GNB4: variants seen among roughly 807,000 people sequenced by gnomAD.
The protein encoded by GNB4 is G protein subunit beta 4.
A neutral mutation model predicts 45.2 loss-of-function variants in GNB4; 28 were observed. The ratio of observed to expected loss-of-function variants is 0.62; its 90% CI spans 0.46 to 0.85. The LOEUF (loss-of-function observed/expected upper bound fraction) is 0.85, where lower values mean the gene tolerates loss of function less well. GNB4 is among the 40% of genes least tolerant of loss of function. GNB4 has a pLI of 0.00. For missense variants in GNB4, 321 were observed against 425.4 expected (o/e 0.75, Z 2.16); for synonymous variants, 132 against 143.7 (o/e 0.92, Z 0.58).
chr3:179,406,551 G>C (rs1047472987), intron 8 of GNB4, among the ~76,000 whole-genome samples: 18 of 152,056 alleles, frequency 1.2e-4, no homozygotes, highest in Non-Finnish European at 2.2e-4. Flanking sequence ...TTTTCATCTT[G>C]AATTTTCTCC....
chr3:179,516,113 G>A, the GNB4 span, among the ~76,000 whole-genome samples: 1 of 152,132 alleles, frequency 6.6e-6, no homozygotes, highest in Non-Finnish European at 1.5e-5. Context: ...TGAGTTTTTG[G>A]GCTCTATTCT....
intron 8 of GNB4, chr3:179,410,482 T>G (rs1317543987): frequency 5.3e-5 from 8 of 152,190 alleles, no homozygotes; most frequent in Admixed American, 5.2e-4. Context: ...AACCAAGATA[T>G]CTGAGGACTG....
chr3:179,525,596 A>G, the GNB4 span, among the ~76,000 whole-genome samples: 2 of 152,190 alleles, frequency 1.3e-5, no homozygotes, highest in Admixed American at 1.3e-4. Flanking sequence ...ATCAGACACC[A>G]GTGAAATGTG....
the GNB4 span, among the ~76,000 whole-genome samples, chr3:179,492,685 T>C: frequency 6.6e-6 from 1 of 152,142 alleles, no homozygotes; most frequent in Non-Finnish European, 1.5e-5. Context: ...CCACATGCCC[T>C]TGTGCCCAGA....
intron 9 of GNB4, among the ~76,000 whole-genome samples, chr3:179,402,408 G>A (rs1344179952): frequency 6.6e-6 from 1 of 152,168 alleles, no homozygotes; most frequent in Non-Finnish European, 1.5e-5. Flanking sequence ...TCTTTAAAAG[G>A]TAATTGGCCT....
At chr3:179,468,035 A>AAAAAAAAAAAAATATATAT in the GNB4 span, among the ~76,000 whole-genome samples, 89 of 89,864 alleles carry the variant, frequency 9.9e-4, 8 homozygotes, top group African/African-American at 1.4e-3. Flanking sequence ...TGTTGATAAA[A>AAAAAAAAAAAAATATATAT]ATATATATAT....
In GNB4 at chr3:179,420,132, A is replaced by G. The variant is rs184392215; in HGVS notation, c.97-627T>C. Among the ~76,000 whole-genome samples, 506 of 150,662 alleles carry G rather than the reference A, an allele frequency of 3.4e-3. 1 individual carries two copies. Among genetic ancestry groups the G allele is most frequent in the Non-Finnish European group, 5.3e-3 (357 of 67,660 alleles). ...TATATATATACATACATAAATATAT[A>G]TAATTTTTTTTTTTTCGAGACAGAG... On this transcript the variant is annotated intron_variant, in intron 3 of 9. Transcript: ENST00000232564.
chr3:179,468,031 T>TTTAAAAAAAAA, the GNB4 span, among the ~76,000 whole-genome samples: 23 of 67,280 alleles, frequency 3.4e-4, no homozygotes, highest in African/African-American at 1.3e-3. Flanking sequence ...ATTTTGTTGA[T>TTTAAAAAAAAA]AAAAATATAT....
At chr3:179,512,994 C>G in the GNB4 span, among the ~76,000 whole-genome samples, 1 of 151,344 alleles carries the variant, frequency 6.6e-6, no homozygotes, top group African/African-American at 2.4e-5. Flanking sequence ...TAAAAATAGT[C>G]TCTATTTTTT....
chr3:179,510,954 T>C, the GNB4 span, among the ~76,000 whole-genome samples: 1 of 152,236 alleles, frequency 6.6e-6, no homozygotes, highest in East Asian at 1.9e-4. Context: ...TTCTCTGGGG[T>C]CCTGCTCACT....
At chr3:179,410,050 C>T (rs969067622) in intron 8 of GNB4, among the ~76,000 whole-genome samples, 1 of 152,172 alleles carries the variant, frequency 6.6e-6, no homozygotes, top group Non-Finnish European at 1.5e-5. Flanking sequence ...GGGCTTCCCC[C>T]TTCGCTCGGC....
chr3:179,481,792 C>T, the GNB4 span, among the ~76,000 whole-genome samples: 8,777 of 152,244 alleles, frequency 0.058, 348 homozygotes, highest in Middle Eastern at 0.18. Flanking sequence ...AAAACAAAGT[C>T]GACGTGATTC....
At chr3:179,512,971 T>C in the GNB4 span, among the ~76,000 whole-genome samples, 3 of 152,174 alleles carry the variant, frequency 2.0e-5, no homozygotes, top group Non-Finnish European at 4.4e-5. Flanking sequence ...AAAAGTTTCA[T>C]GCTTTTTAAT....
At chr3:179,440,871 A>G (rs1489874141) in intron 1 of GNB4, among the ~76,000 whole-genome samples, 1 of 122,104 alleles carries the variant, frequency 8.2e-6, no homozygotes, top group African/African-American at 3.0e-5. Flanking sequence ...TCCTATATAT[A>G]TAGATAGATA....
chr3:179,412,983 C>T (rs1178100389), intron 8 of GNB4, among the ~76,000 whole-genome samples: 1 of 152,082 alleles, frequency 6.6e-6, no homozygotes, highest in East Asian at 1.9e-4. Flanking sequence ...AGTTCGAGAC[C>T]AGCCTGGACA....
chr3:179,447,841 T>C (rs1457493940), intron 1 of GNB4, among the ~76,000 whole-genome samples: 1 of 152,178 alleles, frequency 6.6e-6, no homozygotes, highest in Non-Finnish European at 1.5e-5. Flanking sequence ...AATTAGAATT[T>C]TTAGCCTCAG....
chr3:179,454,851 T>G (rs1715955738), upstream of GNB4, among the ~76,000 whole-genome samples: 1 of 151,976 alleles, frequency 6.6e-6, no homozygotes, highest in Non-Finnish European at 1.5e-5. Flanking sequence ...AAATAAGTTA[T>G]AAAATATTAA....
intron 1 of GNB4, among the ~76,000 whole-genome samples, chr3:179,438,822 A>C (rs1363720307): frequency 2.6e-5 from 4 of 152,178 alleles, no homozygotes; most frequent in Non-Finnish European, 5.9e-5. Flanking sequence ...AGAAGAAAAC[A>C]ACCAGTTATT....
At chr3:179,471,901 G>A in the GNB4 span, among the ~76,000 whole-genome samples, 1 of 152,118 alleles carries the variant, frequency 6.6e-6, no homozygotes, top group Non-Finnish European at 1.5e-5. Context: ...TGTACTAAGA[G>A]CATTAAAACT....
Sources: allele counts gnomAD v4.1 joint callset (sites outside exome capture counted in the v4.1 genomes callset), GRCh38; gene constraint gnomAD v4.1.1; transcripts MANE v1.5; gene names NCBI Gene and HGNC (gene_info 2026-07-23, HGNC 2026-07-21).